AGAP1: variants seen among roughly 807,000 people sequenced by gnomAD.
The protein encoded by AGAP1 is arf-GAP with GTPase, ANK repeat and PH domain-containing protein 1.
A neutral mutation model predicts 105.3 loss-of-function variants in AGAP1; 29 were observed. The ratio of observed to expected loss-of-function variants is 0.28; its 90% CI spans 0.21 to 0.38. The LOEUF (loss-of-function observed/expected upper bound fraction) is 0.38. Among genes scored for constraint, AGAP1 ranks in the 10% least tolerant of loss-of-function variants. AGAP1 has a pLI of 1.00. For missense variants in AGAP1, 998 were observed against 1,165.1 expected, an observed-to-expected ratio of 0.86 and a Z score of 2.09; for synonymous variants, 509 against 485.9, an observed-to-expected ratio of 1.05 and a Z score of -0.63.
intron 12 of AGAP1, among the ~76,000 whole-genome samples, chr2:235,947,525 T>C (rs1183025253): frequency 6.6e-6 from 1 of 152,184 alleles, no homozygotes; most frequent in Non-Finnish European, 1.5e-5. Context: ...TTGCAAATTA[T>C]GCTGCTATAA....
In AGAP1 at chr2:235,600,552, C is replaced by T. The variant is rs1337146084; in HGVS notation, c.163+105703C>T. On this transcript the variant is annotated intron_variant, in intron 1 of 17. Transcript: ENST00000304032. This position sits in a 1 kb window ranked among gnomAD's most constrained non-coding sequence, Gnocchi z 4.8. ...ATTAAGGAGTATTAACTCACAGGAT[C>T]ACAAGGTCCCACAATAGGCTGGCTG... Among the ~76,000 whole-genome samples, 7 of 152,150 alleles carry T rather than the reference C, an allele frequency of 4.6e-5. No individual in the cohort carries two copies. Among genetic ancestry groups the T allele is most frequent in the African/African-American group, 4.8e-5 (2 of 41,430 alleles).
rs879314373 is a variant in AGAP1 at position 235,552,269 on chromosome 2, A to G, written c.163+57420A>G. Among the ~76,000 whole-genome samples, 34 of 152,356 alleles carry G rather than the reference A, an allele frequency of 2.2e-4. No individual in the cohort carries two copies. The highest frequency in any genetic ancestry group is 4.6e-4 in the Non-Finnish European group (31 of 68,026). Reference sequence around the variant, plus strand: ...TTGAGAAATACAGTTTCTGCAGGAAAGAGAGAGACATTGGTGCCAAGAAAT... The same window carrying G: ...TTGAGAAATACAGTTTCTGCAGGAAGGAGAGAGACATTGGTGCCAAGAAAT... On this transcript the variant is annotated intron_variant, in intron 1 of 17. Transcript: ENST00000304032. This position sits in a 1 kb window ranked among gnomAD's most constrained non-coding sequence, Gnocchi z 5.9.
chr2:235,854,301 C>T (rs1276963821), intron 9 of AGAP1, among the ~76,000 whole-genome samples: 2 of 152,224 alleles, frequency 1.3e-5, no homozygotes, highest in African/African-American at 4.8e-5. Context: ...GTAGACCCCG[C>T]TCCTCCCCCG....
intron 1 of AGAP1, among the ~76,000 whole-genome samples, chr2:235,558,662 G>GT: frequency 6.6e-6 from 1 of 152,266 alleles, no homozygotes; most frequent in Admixed American, 6.5e-5. Context: ...ACAATGTTAT[G>GT]GGATGGGGAC....
chr2:235,835,151 G>A, intron 9 of AGAP1, among the ~76,000 whole-genome samples: 1 of 152,180 alleles, frequency 6.6e-6, no homozygotes, highest in East Asian at 1.9e-4. Context: ...CCCCGGGCAT[G>A]CGTTTCCCAC....
Position 235,963,461 on chromosome 2 carries a change from A to G in AGAP1, c.1484-5001A>G, listed in dbSNP as rs6431415. 0.13 allele frequency among the ~76,000 whole-genome samples: 19,716 copies of G among 152,202 alleles called. 3,347 individuals carry two copies. The highest frequency in any genetic ancestry group is 0.39 in the African/African-American group (16,351 of 41,470). ...CAGAGGTAGTTTATTAAAGAGAATG[A>G]ATAGACATCAAATAGATGGCCCTTT... On this transcript the variant is annotated intron_variant, in intron 12 of 17. Transcript: ENST00000304032. This position sits in a 1 kb window ranked among gnomAD's most constrained non-coding sequence, Gnocchi z 5.1.
chr2:235,897,579 C>G (rs2050866682), intron 10 of AGAP1, among the ~76,000 whole-genome samples: 1 of 152,194 alleles, frequency 6.6e-6, no homozygotes, highest in Non-Finnish European at 1.5e-5. Flanking sequence ...CAGATCGTCT[C>G]TGGCCGTCCT....
Position 235,622,626 on chromosome 2 carries a change from G to A in AGAP1, c.164-86553G>A, listed in dbSNP as rs529819418. On this transcript the variant is annotated intron_variant, in intron 1 of 17. Transcript: ENST00000304032. The surrounding 1 kb of genome is among the most constrained non-coding windows in gnomAD (Gnocchi z 5.0). ...CAGCCAACGTCGGTTTTGAGAATGC[G>A]ACCTATGAAATTGGGAGCCCTGGCT... Among the ~76,000 whole-genome samples the A allele has an allele frequency of 1.1e-4, 16 of 152,112 alleles. No individual in the cohort carries two copies. Among genetic ancestry groups the A allele is most frequent in the Admixed American group, 2.6e-4 (4 of 15,270 alleles).
rs78677908 is a variant in AGAP1 at position 235,672,280 on chromosome 2, G to A, written c.164-36899G>A. Among the ~76,000 whole-genome samples, 467 of 152,268 alleles carry A rather than the reference G, an allele frequency of 3.1e-3. 3 individuals are homozygous for A. The highest frequency in any genetic ancestry group is 0.01 in the African/African-American group (428 of 41,556). ...CTGTCCTTATGGAAATATTTTTAAG[G>A]TAAAGTGAAGATAAAATGGTCATGT... On this transcript the variant is annotated intron_variant, in intron 1 of 17. Coordinates refer to ENST00000304032, the MANE Select transcript of AGAP1 (RefSeq NM_001037131.3).
intron 6 of AGAP1, chr2:235,775,937 C>G (rs1955825781): frequency 6.6e-6 from 1 of 152,146 alleles, no homozygotes; most frequent in African/African-American, 2.4e-5. Context: ...TTAAGTTTTT[C>G]CGTGCCTGGG....
rs571642382 is a variant in AGAP1, at chr2:235,931,839, C to T, written c.1483+916C>T. Among the ~76,000 whole-genome samples the T allele has an allele frequency of 1.1e-4, 16 of 152,102 alleles. No individual in the cohort carries two copies. The highest frequency in any genetic ancestry group is 2.7e-4 in the African/African-American group (11 of 41,498). Reference sequence around the variant, plus strand: ...GACATCTCCAAACCAAGCCGGGAGACGCGGAGTCAGCGAGGTAGCTCCACA... The same window carrying T: ...GACATCTCCAAACCAAGCCGGGAGATGCGGAGTCAGCGAGGTAGCTCCACA... On this transcript the variant is annotated intron_variant, in intron 12 of 17. Coordinates refer to ENST00000304032, the MANE Select transcript of AGAP1 (RefSeq NM_001037131.3). This position sits in a 1 kb window ranked among gnomAD's most constrained non-coding sequence, Gnocchi z 5.6.
At chr2:235,914,938 C>CA (rs1193916205) in intron 11 of AGAP1, among the ~76,000 whole-genome samples, 1 of 151,950 alleles carries the variant, frequency 6.6e-6, no homozygotes, top group Non-Finnish European at 1.5e-5. Context: ...TGCTGGTGCT[C>CA]AAAAAAGGGA....
chr2:235,521,921 A>G (rs1224410783), intron 1 of AGAP1, among the ~76,000 whole-genome samples: 1 of 152,212 alleles, frequency 6.6e-6, no homozygotes, highest in Non-Finnish European at 1.5e-5. Context: ...AAAGGTTGCC[A>G]AATTCCCATC....
intron 13 of AGAP1, among the ~76,000 whole-genome samples, chr2:236,032,625 C>T (rs993362763): frequency 6.6e-6 from 1 of 152,044 alleles, no homozygotes; most frequent in Admixed American, 6.6e-5. Context: ...TGGATGCACG[C>T]GTGCACGTGT....
At chr2:236,064,554 C>G (rs972862798) in intron 16 of AGAP1, among the ~76,000 whole-genome samples, 33 of 152,202 alleles carry the variant, frequency 2.2e-4, no homozygotes, top group African/African-American at 7.5e-4. Flanking sequence ...TGAGATCGTG[C>G]CACTGCACTG....
Position 235,930,769 on chromosome 2 carries a change from T to C in AGAP1, c.1329T>C (p.Asn443=), listed in dbSNP as rs2052685148. ...ACCTGACTTGTTTATTCCTAGGGAATGTCACTAGTGCATCTGGGTCTCAGA... is the reference window on the plus strand; with the variant it reads ...ACCTGACTTGTTTATTCCTAGGGAACGTCACTAGTGCATCTGGGTCTCAGA... ...SSLHISPNSG[N]VTSASGSQMA... The change falls in exon 12 of 18, where the codon AAT becomes AAC. Residue 443 remains asparagine (N), a synonymous_variant. Transcript: ENST00000304032. This position sits in a 1 kb window ranked among gnomAD's most constrained non-coding sequence, Gnocchi z 7.9. 1.9e-6 allele frequency: 3 copies of C among 1,613,682 alleles called. No homozygotes were observed. The highest frequency in any genetic ancestry group is 2.2e-5 in the South Asian group (2 of 91,032).
rs1433410745 is a variant in AGAP1 at position 235,973,826 on chromosome 2, G to A, written c.1645+5203G>A. On this transcript the variant is annotated intron_variant, in intron 13 of 17. Coordinates refer to ENST00000304032, the MANE Select transcript of AGAP1 (RefSeq NM_001037131.3). The surrounding 1 kb of genome is among the most constrained non-coding windows in gnomAD (Gnocchi z 4.7). Reference sequence around the variant, plus strand: ...GTTGGACCAGGGCAGAGGAACCTGGGCTCTAGAAGGTGATTGCACCACGGC... The same window carrying A: ...GTTGGACCAGGGCAGAGGAACCTGGACTCTAGAAGGTGATTGCACCACGGC... 6.6e-6 allele frequency among the ~76,000 whole-genome samples: 1 copy of A among 152,172 alleles called. No individual in the cohort carries two copies. Among genetic ancestry groups the A allele is most frequent in the East Asian group, 1.9e-4 (1 of 5,184 alleles).
At chr2:236,043,224 T>C (rs952762902) in intron 15 of AGAP1, among the ~76,000 whole-genome samples, 2 of 152,212 alleles carry the variant, frequency 1.3e-5, no homozygotes, top group Non-Finnish European at 2.9e-5. Context: ...TATAAAAAGC[T>C]TTTGAAGAGT....
chr2:235,918,377 C>T (rs1005629942), intron 11 of AGAP1, among the ~76,000 whole-genome samples: 3 of 152,174 alleles, frequency 2.0e-5, no homozygotes, highest in African/African-American at 7.2e-5. Context: ...GTCTATTTGA[C>T]AATTTTTAGG....
Sources: gnomAD v4.1 joint callset for allele counts (sites outside exome capture counted in the v4.1 genomes callset) on GRCh38, gnomAD v4.1.1 for gene constraint, Gnocchi (gnomAD v3.1) non-coding constraint, MANE v1.5 for transcripts, NCBI Gene and HGNC (gene_info 2026-07-23, HGNC 2026-07-21) for gene names.